SCTR: variants seen among roughly 807,000 people sequenced by gnomAD.
The protein encoded by SCTR is pancreatic secretin receptor.
SCTR carries 56 observed loss-of-function variants against 60.8 expected under a neutral mutation model. That is an observed-to-expected ratio of 0.92 (90% confidence interval 0.74 to 1.15). SCTR has a LOEUF of 1.15. Among genes scored for constraint, SCTR ranks in the 50% most tolerant of loss-of-function variants. The pLI, the probability that SCTR is intolerant of heterozygous loss-of-function variation, is 0.00. For missense variants in SCTR, 562 were observed against 550.4 expected, an observed-to-expected ratio of 1.02 and a Z score of -0.21; for synonymous variants, 202 against 217.0, an observed-to-expected ratio of 0.93 and a Z score of 0.61.
chr2:119,495,136 A>AAC (rs1413592454), intron 1 of SCTR, among the ~76,000 whole-genome samples: 6 of 151,636 alleles, frequency 4.0e-5, no homozygotes, highest in East Asian at 1.9e-4. Flanking sequence ...CACAAATGCA[A>AAC]ACACACACAC....
intron 2 of SCTR, among the ~76,000 whole-genome samples, chr2:119,484,566 G>C (rs1028273334): frequency 2.0e-5 from 3 of 152,090 alleles, no homozygotes; most frequent in Non-Finnish European, 4.4e-5. Context: ...CTATAAAATG[G>C]GCACAGTAAT....
intron 9 of SCTR, among the ~76,000 whole-genome samples, chr2:119,449,054 G>A (rs1187474478): frequency 6.6e-6 from 1 of 152,232 alleles, no homozygotes; most frequent in Non-Finnish European, 1.5e-5. Context: ...ACTCACCCGT[G>A]CAGAGCATTG....
chr2:119,485,651 G>C (rs1161735709), intron 2 of SCTR, among the ~76,000 whole-genome samples: 1 of 152,218 alleles, frequency 6.6e-6, no homozygotes, highest in Non-Finnish European at 1.5e-5. Context: ...CCATGTCCCT[G>C]GTGCTCACTT....
intron 9 of SCTR, 49 bp downstream of exon 9, chr2:119,451,961 T>A (rs1302839434): frequency 1.6e-6 from 2 of 1,220,406 alleles, no homozygotes; most frequent in Non-Finnish European, 2.4e-6. Context: ...CTGGTCACCA[T>A]TTCCGTCTCT....
chr2:119,472,542 G>A (rs997628192), intron 4 of SCTR, among the ~76,000 whole-genome samples: 3 of 152,222 alleles, frequency 2.0e-5, no homozygotes, highest in African/African-American at 7.2e-5. Context: ...AAGGTCAGCC[G>A]ATTGCCGAAG....
At chr2:119,450,541 C>CA (rs139528792) in intron 9 of SCTR, among the ~76,000 whole-genome samples, 21,204 of 144,530 alleles carry the variant, frequency 0.15, 1,700 homozygotes, top group East Asian at 0.31. Context: ...AACAAAAAAA[C>CA]AAAAAAAAAA....
At chr2:119,494,384 G>C (rs1293210212) in intron 2 of SCTR, 44 bp downstream of exon 2, 1 of 1,601,614 alleles carries the variant, frequency 6.2e-7, no homozygotes. Flanking sequence ...GACCGGACAT[G>C]CTCCACCCCC....
At chr2:119,503,860 T>C (rs1399791853) in intron 1 of SCTR, among the ~76,000 whole-genome samples, 3 of 152,232 alleles carry the variant, frequency 2.0e-5, no homozygotes, top group African/African-American at 4.8e-5. Flanking sequence ...TGATGCAAGA[T>C]GTTAATAGGG....
At chr2:119,506,811 T>C (rs917367495) in intron 1 of SCTR, among the ~76,000 whole-genome samples, 1 of 151,932 alleles carries the variant, frequency 6.6e-6, no homozygotes, top group Non-Finnish European at 1.5e-5. Context: ...ATTATAGAAA[T>C]GGAGAAGAGA....
chr2:119,490,087 A>G (rs753524098), intron 2 of SCTR, among the ~76,000 whole-genome samples: 1 of 152,186 alleles, frequency 6.6e-6, no homozygotes, highest in Non-Finnish European at 1.5e-5. Flanking sequence ...CTGCTGTCCC[A>G]GACGCAGTTT....
At chr2:119,468,633 G>A (rs867011990) in intron 4 of SCTR, among the ~76,000 whole-genome samples, 29 of 152,288 alleles carry the variant, frequency 1.9e-4, no homozygotes, top group South Asian at 1.9e-3. Context: ...ATGAGTCAGC[G>A]GTTTGAGATG....
intron 11 of SCTR, among the ~76,000 whole-genome samples, chr2:119,443,813 C>G (rs1682749282): frequency 1.3e-5 from 2 of 152,334 alleles, no homozygotes; most frequent in South Asian, 2.1e-4. Context: ...TCCCGAAGTG[C>G]TAGGATTACA....
At position 119,456,197 on chromosome 2, in the gene SCTR, A is replaced by T. The variant is rs1418452515; in HGVS notation, c.791-2850T>A. Among the ~76,000 whole-genome samples the T allele has an allele frequency of 2.0e-5, 3 of 151,072 alleles. No homozygotes were observed. In the Admixed American group the frequency reaches 2.0e-4, roughly 10 times the overall value. On this transcript the variant is annotated intron_variant, in intron 7 of 12. Transcript: ENST00000019103. ...TGTCTCAGCCTCTTGAATAGCTGAG[A>T]TTACAGGCACCCACCACCACCCCTG...
rs1032635084 is a variant in SCTR, at chr2:119,448,930, C to T, written c.922-150G>A. 4 of 613,024 alleles carry T rather than the reference C, an allele frequency of 6.5e-6. 1 individual carries two copies. The allele number at this position is 613,024 out of a possible 1,614,324, so 38.0% of individuals were successfully genotyped here. On this transcript the variant is annotated intron_variant, in intron 9 of 12. Transcript: ENST00000019103. ...CAGTGCTGCCGCTCCTCTCCATCCC[C>T]TCCCCACCCCCAGTCCTGGTGAAAC...
intron 11 of SCTR, among the ~76,000 whole-genome samples, chr2:119,446,539 A>T (rs552462409): frequency 6.6e-6 from 1 of 152,272 alleles, no homozygotes; most frequent in Admixed American, 6.5e-5. Flanking sequence ...CCCTGAAGTC[A>T]GTCTCTCTGT....
At chr2:119,463,893 C>T (rs548688021) in intron 6 of SCTR, among the ~76,000 whole-genome samples, 4 of 152,230 alleles carry the variant, frequency 2.6e-5, no homozygotes, top group South Asian at 2.1e-4. Flanking sequence ...TGGGAGTTTA[C>T]GGCAACCCCC....
At chr2:119,519,462 C>T (rs999217619) in intron 1 of SCTR, among the ~76,000 whole-genome samples, 73 of 152,198 alleles carry the variant, frequency 4.8e-4, no homozygotes, top group African/African-American at 1.1e-3. Flanking sequence ...TTTATGACAG[C>T]TCCTTGGGCA....
intron 1 of SCTR, among the ~76,000 whole-genome samples, chr2:119,499,047 A>G (rs1678445394): frequency 6.6e-6 from 1 of 152,102 alleles, no homozygotes; most frequent in African/African-American, 2.4e-5. Flanking sequence ...TTATGTAAAC[A>G]TTAATCAAAG....
chr2:119,485,704 G>A (rs536770771), intron 2 of SCTR: 1 of 152,520 alleles, frequency 6.6e-6, no homozygotes, highest in African/African-American at 2.4e-5. Flanking sequence ...GCTCCTCTTT[G>A]TCTTGGCCTT....
Sources: allele counts gnomAD v4.1 joint callset (sites outside exome capture counted in the v4.1 genomes callset), GRCh38; gene constraint gnomAD v4.1.1; transcripts MANE v1.5; gene names NCBI Gene and HGNC (gene_info 2026-07-23, HGNC 2026-07-21).